Variants in SHH observed in about 807,000 individuals in gnomAD.
SHH encodes sonic hedgehog signaling molecule.
Under a neutral mutation model 16.6 loss-of-function variants are expected in SHH, and 3 were observed. That is an observed-to-expected ratio of 0.18 (90% CI 0.08 to 0.47). SHH has a LOEUF of 0.47. Ranked by LOEUF, SHH falls within the 20% of genes least tolerant of loss-of-function variation. The pLI is 0.98. For missense variants in SHH, 499 were observed against 665.0 expected, an observed-to-expected ratio of 0.75 and a Z score of 2.75; for synonymous variants, 351 against 316.2, an observed-to-expected ratio of 1.11 and a Z score of -1.17.
rs1803449597 is a variant in SHH, at chr7:155,809,292, A to T, written c.300+2531T>A. Among the ~76,000 whole-genome samples, 1 of 152,172 alleles carries T rather than the reference A, an allele frequency of 6.6e-6. No homozygotes were observed. Among genetic ancestry groups the T allele is most frequent in the Non-Finnish European group, 1.5e-5 (1 of 68,038 alleles). The stretch of plus-strand genomic sequence containing the variant: ...TGGGCGGCAGTCACATTAGAGACCC[A>T]GAGACAGGGAGGGAGACAGAAGAAG... On this transcript the variant is annotated intron_variant, in intron 1 of 2. Transcript: ENST00000297261. This position sits in a 1 kb window ranked among gnomAD's most constrained non-coding sequence, Gnocchi z 6.1.
upstream of SHH, among the ~76,000 whole-genome samples, chr7:155,812,463 TGA>T (rs1015537877): frequency 2.0e-5 from 3 of 152,194 alleles, no homozygotes; most frequent in African/African-American, 7.2e-5. Flanking sequence ...GGAGAGCTTG[TGA>T]GAGAGGCTGC....
intron 2 of SHH, among the ~76,000 whole-genome samples, chr7:155,804,662 G>T (rs1044056304): frequency 6.6e-6 from 1 of 151,998 alleles, no homozygotes; most frequent in Admixed American, 6.5e-5. Flanking sequence ...GGGCCTGTTC[G>T]GAGCGCTGGA....
In SHH at chr7:155,803,707, T is replaced by A; in HGVS notation, c.582A>T (p.Lys194Asn). The change falls in exon 3 of 3, where the codon AAA (lysine) becomes AAT (asparagine). Residue 194 changes from lysine to asparagine, a missense_variant. Lys to Asn is a moderately conservative substitution (Grantham distance 94). Transcript: ENST00000297261. ...SVKAENSVAA[K>N]SGGCFPGSAT... is the part of the protein sequence containing the mutation. ...CCGAGCCCGGGAAGCAGCCTCCCGA[T>A]TTGGCCGCCACCGAGTTCTCTGCGG... is the stretch of plus-strand genomic sequence containing the variant. The A allele has an allele frequency of 6.3e-7, 1 of 1,597,564 alleles. No homozygotes were observed. Among genetic ancestry groups the A allele is most frequent in the Non-Finnish European group, 8.5e-7 (1 of 1,179,422 alleles).
chr7:155,804,180 G>T (rs1803285808), intron 2 of SHH, among the ~76,000 whole-genome samples: 1 of 151,574 alleles, frequency 6.6e-6, no homozygotes, highest in East Asian at 1.9e-4. Flanking sequence ...GCGGGGCGCG[G>T]CGCCTGCTCG....
intron 2 of SHH, among the ~76,000 whole-genome samples, chr7:155,805,685 T>C (rs1392865786): frequency 6.6e-6 from 1 of 152,092 alleles, no homozygotes; most frequent in African/African-American, 2.4e-5. Context: ...TTTCGGGGCC[T>C]GCCCGCCGCC....
chr7:155,812,170 TGCGCGAGTGC>T lies in SHH; in HGVS notation c.-58_-49del. On this transcript the variant is annotated 5_prime_UTR_variant, in exon 1 of 3. Coordinates refer to ENST00000297261, the MANE Select transcript of SHH (RefSeq NM_000193.4). ...TCCGAGCTGTCCCCGTGCGGGTCCG[TGCGCGAGTGC>T]GCGCGGCGGGTGTGTGCGTGTGCGC... 2 of 1,575,572 alleles carry T rather than the reference TGCGCGAGTGC, an allele frequency of 1.3e-6. No individual in the cohort carries two copies. Among genetic ancestry groups the T allele is most frequent in the Non-Finnish European group, 1.7e-6 (2 of 1,146,004 alleles).
chr7:155,805,961 G>T (rs982546380), intron 2 of SHH, among the ~76,000 whole-genome samples: 3 of 152,212 alleles, frequency 2.0e-5, no homozygotes, highest in African/African-American at 7.2e-5. Flanking sequence ...CTGGCTAACC[G>T]CGCAGGGCTG....
chr7:155,806,711 C>A lies in SHH; in HGVS notation c.301-154G>T, dbSNP rs541593038. Reference sequence around the variant, plus strand: ...GGGGGTTGGAATGGCCCAGACACACCGAAGAGCCGGGCCCTGGGCTGGGGA... The same window carrying A: ...GGGGGTTGGAATGGCCCAGACACACAGAAGAGCCGGGCCCTGGGCTGGGGA... On this transcript the variant is annotated intron_variant, in intron 1 of 2. Coordinates refer to ENST00000297261, the MANE Select transcript of SHH (RefSeq NM_000193.4). 5 of 911,222 alleles carry A rather than the reference C, an allele frequency of 5.5e-6. No individual in the cohort carries two copies. The Admixed American group carries it at 9.8e-5, about 18-fold the overall frequency. 56.4% of individuals were successfully genotyped at this position (911,222 alleles called of 1,614,324 possible).
At chr7:155,810,754 G>A (rs923113479) in intron 1 of SHH, among the ~76,000 whole-genome samples, 14 of 152,170 alleles carry the variant, frequency 9.2e-5, no homozygotes, top group African/African-American at 3.4e-4. Context: ...CTGCACTTGC[G>A]CCCCACCAGC....
Position 155,803,121 on chromosome 7 carries a change from G to A in SHH, c.1168C>T (p.Leu390=). The change falls in exon 3 of 3, where the codon CTG becomes TTG. Residue 390 remains leucine (L), a synonymous_variant. Transcript: ENST00000297261. ...FRLAHALLAA[L]APARTDRGGD... is the part of the protein sequence containing the mutation. ...CCGCGGTCCGTGCGCGCGGGCGCCA[G>A]TGCAGCCAGGAGCGCGTGCGCCAGG... 1 of 1,381,880 alleles carries A rather than the reference G, an allele frequency of 7.2e-7. No homozygotes were observed. Among genetic ancestry groups the A allele is most frequent in the Non-Finnish European group, 9.4e-7 (1 of 1,066,370 alleles). 85.6% of individuals were successfully genotyped at this position (1,381,880 alleles called of 1,614,324 possible).
rs1803538828 is a variant in SHH at position 155,812,199 on chromosome 7, T to G, written c.-77A>C. ...CGAGTGCGCGCGGCGGGTGTGTGCG[T>G]GTGCGCTCTCTCTTGCGCTTTCCCT... On this transcript the variant is annotated 5_prime_UTR_variant, in exon 1 of 3. Coordinates refer to ENST00000297261, the MANE Select transcript of SHH (RefSeq NM_000193.4). 7.2e-7 allele frequency: 1 copy of G among 1,393,088 alleles called. No homozygotes were observed. 86.3% of individuals were successfully genotyped at this position (1,393,088 alleles called of 1,614,324 possible).
chr7:155,803,548 G>T lies in SHH; in HGVS notation c.741C>A (p.Gly247=). 2 of 1,596,046 alleles carry T rather than the reference G, an allele frequency of 1.3e-6. No individual in the cohort carries two copies. The highest frequency in any genetic ancestry group is 1.7e-6 in the Non-Finnish European group (2 of 1,177,832). ...CGATCACGTAGAAGACCTTCTTGGC[G>T]CCGTCGTCGCGGTCCAGGAAAGTGA... ...DFLTFLDRDD[G]AKKVFYVIET... is the part of the protein sequence containing the mutation. Residue 247 remains glycine, a synonymous_variant, in exon 3 of 3, where the codon GGC becomes GGA. Transcript: ENST00000297261.
In SHH at chr7:155,807,015, C is replaced by T. The variant is rs946389181; in HGVS notation, c.301-458G>A. ...CTGCGCAGCCTCCACCTTCTCCCCG[C>T]GTAGAATCCCTCACAGCAGGCCTGA... On this transcript the variant is annotated intron_variant, in intron 1 of 2. Coordinates refer to ENST00000297261, the MANE Select transcript of SHH (RefSeq NM_000193.4). The surrounding 1 kb of genome is among the most constrained non-coding windows in gnomAD (Gnocchi z 7.1). 2.2e-5 allele frequency: 6 copies of T among 278,004 alleles called. No individual in the cohort carries two copies. The highest frequency in any genetic ancestry group is 4.8e-5 in the Admixed American group (1 of 20,794). 17.2% of individuals were successfully genotyped at this position (278,004 alleles called of 1,614,324 possible).
rs955305451 is a variant in SHH at position 155,800,112 on chromosome 7, T to G, written c.*2788A>C. The stretch of plus-strand genomic sequence containing the variant: ...TGAGGGAGGCTGGCAGCAACCACCA[T>G]GCATACATTTTGCACAAACTCTTGG... On this transcript the variant is annotated 3_prime_UTR_variant, in exon 3 of 3. Coordinates refer to ENST00000297261, the MANE Select transcript of SHH (RefSeq NM_000193.4). 1 of 471,558 alleles carries G rather than the reference T, an allele frequency of 2.1e-6. No individual in the cohort carries two copies. Among genetic ancestry groups the G allele is most frequent in the Admixed American group, 2.3e-5 (1 of 42,580 alleles). 29.2% of individuals were successfully genotyped at this position (471,558 alleles called of 1,614,324 possible). A position where few individuals can be genotyped will look rare whatever the true frequency, so the allele number is the denominator to read the frequency against.
intron 1 of SHH, 102 bp from the exon 2 acceptor site, chr7:155,806,659 G>C: frequency 1.4e-6 from 2 of 1,447,752 alleles, no homozygotes; most frequent in Non-Finnish European, 1.9e-6. Flanking sequence ...CTCAAGGCGC[G>C]AGGGCCATGC....
chr7:155,812,343 G>C lies in SHH; in HGVS notation c.-221C>G, dbSNP rs1803541793. 1.7e-6 allele frequency: 1 copy of C among 600,120 alleles called. No homozygotes were observed. The highest frequency in any genetic ancestry group is 1.9e-5 in the African/African-American group (1 of 53,976). The allele number at this position is 600,120 out of a possible 1,614,324, so 37.2% of individuals were successfully genotyped here. A position where few individuals can be genotyped will look rare whatever the true frequency, so the allele number is the denominator to read the frequency against. On this transcript the variant is annotated 5_prime_UTR_variant, in exon 1 of 3. Coordinates refer to ENST00000297261, the MANE Select transcript of SHH (RefSeq NM_000193.4). ...CTCTCCACCGCTCCCCACCCAGACAGGGGCTGGAATGGCAGGCTGCCGGCC... is the reference window on the plus strand; with the variant it reads ...CTCTCCACCGCTCCCCACCCAGACACGGGCTGGAATGGCAGGCTGCCGGCC...
chr7:155,805,753 G>A (rs964091089), intron 2 of SHH, among the ~76,000 whole-genome samples: 1 of 152,232 alleles, frequency 6.6e-6, no homozygotes, highest in African/African-American at 2.4e-5. Flanking sequence ...GCCGCCTCCA[G>A]ATGCTGGAGG....
chr7:155,810,059 G>C (rs1190904412), intron 1 of SHH, among the ~76,000 whole-genome samples: 6 of 152,128 alleles, frequency 3.9e-5, no homozygotes, highest in Non-Finnish European at 7.4e-5. Context: ...TCCCGCGCGT[G>C]GAGCAGCAGA....
In SHH at chr7:155,802,926, G is replaced by A. The variant is rs1315242350; in HGVS notation, c.1363C>T (p.Leu455=). 7.9e-7 allele frequency: 1 copy of A among 1,268,924 alleles called. No individual in the cohort carries two copies. Among genetic ancestry groups the A allele is most frequent in the African/African-American group, 1.6e-5 (1 of 61,664 alleles). The allele number at this position is 1,268,924 out of a possible 1,614,324, so 78.6% of individuals were successfully genotyped here. ...WLLDSEALHP[L]GMAVKSS ...CAGCTGGACTTGACCGCCATGCCCAGCGGGTGCAGGGCCTCGCTGTCCAGG... is the reference window on the plus strand; with the variant it reads ...CAGCTGGACTTGACCGCCATGCCCAACGGGTGCAGGGCCTCGCTGTCCAGG... Residue 455 remains leucine, a synonymous_variant, in exon 3 of 3, where the codon CTG becomes TTG. Transcript: ENST00000297261.
Sources: allele counts gnomAD v4.1 joint callset (sites outside exome capture counted in the v4.1 genomes callset), GRCh38; gene constraint gnomAD v4.1.1; non-coding constraint Gnocchi (gnomAD v3.1); transcripts MANE v1.5; gene names NCBI Gene and HGNC (gene_info 2026-07-23, HGNC 2026-07-21).